Variants in DENND2A observed in about 807,000 individuals in gnomAD.
DENND2A encodes the protein DENN domain-containing protein 2A.
In DENND2A, 53 loss-of-function variants were observed where a neutral mutation model predicts 105.3. The ratio of observed to expected loss-of-function variants is 0.50; its 90% CI spans 0.40 to 0.63. DENND2A has a LOEUF of 0.63. DENND2A is among the 30% of genes least tolerant of loss of function. The probability of loss-of-function intolerance (pLI) is 0.00; values close to 1 mark genes in which losing one functional copy is unlikely to be tolerated. For synonymous variants in DENND2A, 522 were observed against 508.4 expected, an observed-to-expected ratio of 1.03 and a Z score of -0.36; for missense variants, 1,138 against 1,279.6, an observed-to-expected ratio of 0.89 and a Z score of 1.69.
intron 1 of DENND2A, among the ~76,000 whole-genome samples, chr7:140,607,738 A>C (rs1053828094): frequency 1.3e-5 from 2 of 152,154 alleles, no homozygotes; most frequent in Admixed American, 6.5e-5. Flanking sequence ...AGAGGGCCCC[A>C]GTGGACGTCA....
At chr7:140,541,769 G>T (rs1028890853) in intron 14 of DENND2A, among the ~76,000 whole-genome samples, 2 of 152,186 alleles carry the variant, frequency 1.3e-5, no homozygotes, top group African/African-American at 4.8e-5. Context: ...AAGTGCACCG[G>T]GAGTACGATC....
chr7:140,639,123 G>A (rs565962428), intron 1 of DENND2A, among the ~76,000 whole-genome samples: 5 of 151,832 alleles, frequency 3.3e-5, no homozygotes, highest in Non-Finnish European at 4.4e-5. Flanking sequence ...AGGCCGAGGC[G>A]GGCAGATCAC....
At chr7:140,594,189 T>A (rs1799186089) in intron 3 of DENND2A, among the ~76,000 whole-genome samples, 1 of 152,184 alleles carries the variant, frequency 6.6e-6, no homozygotes, top group Admixed American at 6.5e-5. Flanking sequence ...ATTACAAGCG[T>A]GAGCCACCGT....
chr7:140,616,431 T>G (rs1800088598), intron 1 of DENND2A, among the ~76,000 whole-genome samples: 2 of 150,476 alleles, frequency 1.3e-5, no homozygotes, highest in Admixed American at 1.3e-4. Context: ...AGAGGCTAAG[T>G]GAGGCGGGGA....
intron 6 of DENND2A, among the ~76,000 whole-genome samples, chr7:140,571,430 G>A (rs1316138208): frequency 6.6e-6 from 1 of 152,106 alleles, no homozygotes; most frequent in African/African-American, 2.4e-5. Flanking sequence ...CCAAAGTGCT[G>A]GGATTACAGG....
chr7:140,585,560 T>A, intron 5 of DENND2A, 29 bp downstream of exon 5: 2 of 1,613,502 alleles, frequency 1.2e-6, no homozygotes, highest in Non-Finnish European at 1.7e-6. Flanking sequence ...TGGCCCCCTC[T>A]CCTGCCACCA....
At chr7:140,532,158 G>A (rs1412869020) in intron 14 of DENND2A, among the ~76,000 whole-genome samples, 5 of 150,472 alleles carry the variant, frequency 3.3e-5, no homozygotes, top group African/African-American at 7.3e-5. Flanking sequence ...CCAGCTACTC[G>A]GGAGGGAGGC....
In DENND2A at chr7:140,519,645, G is replaced by A. The variant is rs1479310833; in HGVS notation, c.2985C>T (p.Phe995=). ...CCGGGGCCTTACCTAGTCCCTTCAG[G>A]AACTTATTGACACCGCTGTGCTCTC... ...PSGEHSGVNK[F]LKGLGNKMKF... Residue 995 remains phenylalanine (F), a synonymous_variant, in exon 19 of 20, where the codon TTC becomes TTT. Coordinates refer to ENST00000496613, the MANE Select transcript of DENND2A (RefSeq NM_015689.5). The A allele has an allele frequency of 6.2e-7, 1 of 1,614,054 alleles. No homozygotes were observed. The highest frequency in any genetic ancestry group is 2.2e-5 in the East Asian group (1 of 44,870).
chr7:140,523,326 C>T lies in DENND2A; in HGVS notation c.2646G>A (p.Gly882=). ...ACTTACCGTGCCTGCCGTCTAGGGG[C>T]CCTTCGTCCTGCTCACAAGCCAGCT... ...RNELACEQDE[G]PLDGRHGPES... is the part of the protein sequence containing the mutation. The change falls in exon 17 of 20, where the codon GGG becomes GGA. Residue 882 remains glycine, a synonymous_variant. Transcript: ENST00000496613. The surrounding 1 kb of genome is among the most constrained non-coding windows in gnomAD (Gnocchi z 4.5). 6.2e-7 allele frequency: 1 copy of T among 1,614,156 alleles called. No homozygotes were observed. Among genetic ancestry groups the T allele is most frequent in the Non-Finnish European group, 8.5e-7 (1 of 1,180,026 alleles).
At chr7:140,567,447 C>A (rs893159892) in intron 8 of DENND2A, among the ~76,000 whole-genome samples, 174 bp from the exon 9 acceptor site, 5 of 152,094 alleles carry the variant, frequency 3.3e-5, no homozygotes, top group African/African-American at 1.2e-4. Flanking sequence ...TTTCTAATCC[C>A]CAAAGTGTTT....
intron 12 of DENND2A, among the ~76,000 whole-genome samples, chr7:140,552,766 T>TA (rs1230931311): frequency 6.6e-6 from 1 of 152,078 alleles, no homozygotes; most frequent in East Asian, 1.9e-4. Flanking sequence ...AGTGCAGTGA[T>TA]ACGATCACAG....
At chr7:140,539,241 T>C (rs1563125407) in intron 14 of DENND2A, among the ~76,000 whole-genome samples, 2 of 152,298 alleles carry the variant, frequency 1.3e-5, no homozygotes, top group East Asian at 3.9e-4. Flanking sequence ...TACTTTCCCA[T>C]AAATCAGACA....
At chr7:140,574,392 G>A (rs994248188) in intron 5 of DENND2A, among the ~76,000 whole-genome samples, 6 of 151,952 alleles carry the variant, frequency 3.9e-5, no homozygotes, top group African/African-American at 9.7e-5. Flanking sequence ...CTAATTTTTC[G>A]TATTTTAGTA....
chr7:140,563,841 G>A (rs1201394567), intron 9 of DENND2A, among the ~76,000 whole-genome samples: 1 of 152,098 alleles, frequency 6.6e-6, no homozygotes, highest in Non-Finnish European at 1.5e-5. Context: ...AGCTGGGCAT[G>A]GTTGCATGCG....
At chr7:140,637,173 A>G (rs984066331) in intron 1 of DENND2A, among the ~76,000 whole-genome samples, 4 of 138,436 alleles carry the variant, frequency 2.9e-5, no homozygotes, top group African/African-American at 5.0e-5. Flanking sequence ...TTTTATAGAG[A>G]TGGGGTCTCG....
rs1795946952 is a variant in DENND2A at position 140,523,775 on chromosome 7, G to C, written c.2548-351C>G. ...ATTTTTAGTAGTTTAGTTTCACCAT[G>C]TTAGCCAGGCTGGTCTCGAACTCCT... is the stretch of plus-strand genomic sequence containing the variant. On this transcript the variant is annotated intron_variant, in intron 16 of 19. Transcript: ENST00000496613. This position sits in a 1 kb window ranked among gnomAD's most constrained non-coding sequence, Gnocchi z 4.5. Among the ~76,000 whole-genome samples, 1 of 152,112 alleles carries C rather than the reference G, an allele frequency of 6.6e-6. No homozygotes were observed. The highest frequency in any genetic ancestry group is 1.5e-5 in the Non-Finnish European group (1 of 68,034).
chr7:140,587,684 T>C lies in DENND2A; in HGVS notation c.1092A>G (p.Leu364=). 1 of 1,614,038 alleles carries C rather than the reference T, an allele frequency of 6.2e-7. No individual in the cohort carries two copies. Among genetic ancestry groups the C allele is most frequent in the South Asian group, 1.1e-5 (1 of 91,080 alleles). The stretch of plus-strand genomic sequence containing the variant: ...TGTCTTCATAGACGTTCTCCTCCGA[T>C]AAAGTGCGTGTCAGCCCCAGCTTAG... The part of the protein sequence containing the change: ...AQTKLGLTRT[L]SEENVYEDIL... Residue 364 remains leucine (L), a synonymous_variant, in exon 4 of 20, where the codon TTA becomes TTG. Coordinates refer to ENST00000496613, the MANE Select transcript of DENND2A (RefSeq NM_015689.5).
intron 18 of DENND2A, 150 bp downstream of exon 18, chr7:140,521,705 C>T: frequency 7.6e-7 from 1 of 1,311,020 alleles, no homozygotes; most frequent in Non-Finnish European, 1.0e-6. Flanking sequence ...TTCCTACCAG[C>T]TCAGTCAGGG....
At chr7:140,605,345 G>A (rs1315123698) in intron 2 of DENND2A, among the ~76,000 whole-genome samples, 2 of 152,172 alleles carry the variant, frequency 1.3e-5, no homozygotes, top group Non-Finnish European at 2.9e-5. Flanking sequence ...GGTATTAGAT[G>A]GGAAAACTGA....
Sources: allele counts gnomAD v4.1 joint callset (sites outside exome capture counted in the v4.1 genomes callset), GRCh38; gene constraint gnomAD v4.1.1; non-coding constraint Gnocchi (gnomAD v3.1); transcripts MANE v1.5; gene names NCBI Gene and HGNC (gene_info 2026-07-23, HGNC 2026-07-21).